The following GPHN variants were observed in gnomAD, a reference collection of about 807,000 sequenced individuals.
The protein encoded by GPHN is gephyrin.
A neutral mutation model predicts 95.5 loss-of-function variants in GPHN; 17 were observed. The observed-to-expected ratio is 0.18, with a 90% CI of 0.12 to 0.27. The LOEUF is 0.27. GPHN is among the 10% of genes least tolerant of loss of function. GPHN has a pLI of 1.00. For synonymous variants in GPHN, 320 were observed against 322.5 expected (o/e 0.99, Z 0.08); for missense variants, 660 against 978.1 (o/e 0.67, Z 4.34).
At chr14:67,729,783 G>T in the GPHN span, 1 of 501,388 alleles carries the variant, frequency 2.0e-6, no homozygotes, top group East Asian at 5.5e-5. Context: ...TCTTCGGTGT[G>T]AACTCTGTCC....
At chr14:66,555,242 A>G (rs1356253705) in intron 1 of GPHN, among the ~76,000 whole-genome samples, 2 of 152,230 alleles carry the variant, frequency 1.3e-5, no homozygotes, top group African/African-American at 2.4e-5. Flanking sequence ...TATATATAAC[A>G]TACATATTTA....
intron 2 of GPHN, among the ~76,000 whole-genome samples, 198 bp downstream of exon 2, chr14:66,681,383 A>T (rs2066923005): frequency 6.6e-6 from 1 of 152,156 alleles, no homozygotes; most frequent in Non-Finnish European, 1.5e-5. Flanking sequence ...GTCATGATTA[A>T]TGATTGATTT....
intron 9 of GPHN, among the ~76,000 whole-genome samples, chr14:67,006,758 A>T (rs549403758): frequency 6.6e-6 from 1 of 152,252 alleles, no homozygotes; most frequent in Non-Finnish European, 1.5e-5. Flanking sequence ...CACAGAATGC[A>T]CTTGGGTGGA....
chr14:67,169,255 G>A, intron 21 of GPHN: 1 of 581,238 alleles, frequency 1.7e-6, no homozygotes, highest in Admixed American at 3.0e-5. Context: ...CCAGATAGAA[G>A]TCCATATACG....
chr14:66,855,949 A>G (rs1375644452), intron 4 of GPHN, among the ~76,000 whole-genome samples: 1 of 152,144 alleles, frequency 6.6e-6, no homozygotes, highest in Non-Finnish European at 1.5e-5. Flanking sequence ...TTTATCCTGT[A>G]AAGATATCCT....
chr14:67,018,646 T>G (rs1028565436), intron 9 of GPHN, among the ~76,000 whole-genome samples: 1 of 152,178 alleles, frequency 6.6e-6, no homozygotes, highest in Non-Finnish European at 1.5e-5. Flanking sequence ...ACATAGAATT[T>G]TCCACCTCTC....
chr14:66,809,654 C>T (rs138143213), intron 3 of GPHN, among the ~76,000 whole-genome samples: 1,836 of 152,242 alleles, frequency 0.012, 19 homozygotes, highest in Non-Finnish European at 0.018. Flanking sequence ...AATCTATTTG[C>T]TCCTCCAATT....
chr14:66,979,906 TTA>T (rs1337068333), intron 9 of GPHN, among the ~76,000 whole-genome samples: 1 of 152,082 alleles, frequency 6.6e-6, no homozygotes, highest in Non-Finnish European at 1.5e-5. Flanking sequence ...TTCAATATTA[TTA>T]TGTCTCAGGG....
the GPHN span, among the ~76,000 whole-genome samples, chr14:67,325,204 C>T: frequency 6.6e-6 from 1 of 152,178 alleles, no homozygotes; most frequent in Non-Finnish European, 1.5e-5. Context: ...CAGGCCCAGC[C>T]TCCTTTCATT....
At chr14:67,645,299 C>T in the GPHN span, among the ~76,000 whole-genome samples, 19,471 of 151,992 alleles carry the variant, frequency 0.13, 1,304 homozygotes, top group East Asian at 0.22. Context: ...CAGGTGTACA[C>T]CATCTTGTCT....
chr14:67,239,265 G>A, the GPHN span, among the ~76,000 whole-genome samples: 2 of 152,132 alleles, frequency 1.3e-5, no homozygotes, highest in Non-Finnish European at 2.9e-5. Context: ...TCCTTTCTTT[G>A]AACAGCTAGA....
At chr14:66,851,709 A>G (rs2062591266) in intron 4 of GPHN, among the ~76,000 whole-genome samples, 1 of 152,134 alleles carries the variant, frequency 6.6e-6, no homozygotes, top group Non-Finnish European at 1.5e-5. Flanking sequence ...TACCTTTGTC[A>G]TATTAAAGGC....
intron 11 of GPHN, among the ~76,000 whole-genome samples, chr14:67,088,372 T>C (rs1046568394): frequency 2.0e-5 from 3 of 152,208 alleles, no homozygotes; most frequent in African/African-American, 4.8e-5. Flanking sequence ...CAGTTAAGAC[T>C]ATATGCTGCA....
At chr14:66,557,614 G>T (rs1418241970) in intron 1 of GPHN, among the ~76,000 whole-genome samples, 1 of 152,014 alleles carries the variant, frequency 6.6e-6, no homozygotes, top group East Asian at 1.9e-4. Context: ...ATTATTAAAG[G>T]TATATATAAC....
At chr14:67,033,117 AG>A (rs1297122572) in intron 10 of GPHN, among the ~76,000 whole-genome samples, 1 of 152,234 alleles carries the variant, frequency 6.6e-6, no homozygotes, top group East Asian at 1.9e-4. Flanking sequence ...CTGGAGCCAA[AG>A]GATACAATAA....
the GPHN span, among the ~76,000 whole-genome samples, chr14:67,708,794 C>CTTTTT: frequency 1.5e-5 from 2 of 136,900 alleles, no homozygotes; most frequent in African/African-American, 2.7e-5. Context: ...TTAATAATAC[C>CTTTTT]TTTTTTTTTT....
intron 3 of GPHN, among the ~76,000 whole-genome samples, chr14:66,780,153 G>T (rs1266982834): frequency 6.6e-6 from 1 of 152,156 alleles, no homozygotes; most frequent in Admixed American, 6.6e-5. Flanking sequence ...ACTTAAAAAG[G>T]ATGTTTTGGA....
chr14:67,677,151 C>T, the GPHN span: 1 of 152,104 alleles, frequency 6.6e-6, no homozygotes, highest in Non-Finnish European at 1.5e-5. Flanking sequence ...GATGGGAACA[C>T]TACTAATTCC....
chr14:67,214,537 G>A, the GPHN span, among the ~76,000 whole-genome samples: 1 of 152,076 alleles, frequency 6.6e-6, no homozygotes, highest in Non-Finnish European at 1.5e-5. Context: ...CTCTGTTTTG[G>A]TACCAGTACC....
Sources: gnomAD v4.1 joint callset for allele counts (sites outside exome capture counted in the v4.1 genomes callset) on GRCh38, gnomAD v4.1.1 for gene constraint, MANE v1.5 for transcripts, NCBI Gene and HGNC (gene_info 2026-07-23, HGNC 2026-07-21) for gene names.